CAMK2D: variants seen among roughly 807,000 people sequenced by gnomAD.
The protein encoded by CAMK2D is calcium/calmodulin-dependent protein kinase type II subunit delta.
CAMK2D carries 37 observed loss-of-function variants against 84.0 expected under a neutral mutation model. The observed-to-expected ratio is 0.44, with a 90% CI of 0.34 to 0.58. The LOEUF is 0.58. Ranked by LOEUF, CAMK2D falls within the 20% of genes least tolerant of loss-of-function variation. The probability of loss-of-function intolerance (pLI) is 0.02; values close to 1 mark genes in which losing one functional copy is unlikely to be tolerated. For synonymous variants in CAMK2D, 202 were observed against 212.5 expected, an observed-to-expected ratio of 0.95 and a Z score of 0.43; for missense variants, 448 against 652.5, an observed-to-expected ratio of 0.69 and a Z score of 3.41.
At chr4:113,673,177 TG>T (rs1303168330) in intron 2 of CAMK2D, among the ~76,000 whole-genome samples, 1 of 152,018 alleles carries the variant, frequency 6.6e-6, no homozygotes, top group Non-Finnish European at 1.5e-5. Flanking sequence ...GGTACCAAAT[TG>T]GAAGGGAATG....
At chr4:113,631,893 G>A (rs941482332) in intron 3 of CAMK2D, among the ~76,000 whole-genome samples, 1 of 152,148 alleles carries the variant, frequency 6.6e-6, no homozygotes, top group Admixed American at 6.6e-5. Flanking sequence ...TCCTTATAGA[G>A]TTTACATACA....
intron 2 of CAMK2D, among the ~76,000 whole-genome samples, chr4:113,676,163 A>T (rs372610988): frequency 4.3e-4 from 66 of 152,316 alleles, no homozygotes; most frequent in African/African-American, 1.5e-3. Context: ...CCAGTCTTCT[A>T]CTTCACTGAA....
intron 16 of CAMK2D, among the ~76,000 whole-genome samples, chr4:113,484,459 A>G (rs556025234): frequency 3.7e-4 from 57 of 152,208 alleles, no homozygotes; most frequent in African/African-American, 1.4e-3. Context: ...CATTGCAAAC[A>G]TAGTTGCAAT....
intron 2 of CAMK2D, among the ~76,000 whole-genome samples, chr4:113,698,623 A>C (rs2099409745): frequency 1.3e-5 from 2 of 152,160 alleles, no homozygotes; most frequent in Middle Eastern, 3.2e-3. Flanking sequence ...CTCAAACAGT[A>C]GAGAAAAGAA....
chr4:113,603,773 TTATA>T (rs139576985), intron 4 of CAMK2D, among the ~76,000 whole-genome samples: 14,319 of 127,818 alleles, frequency 0.11, 1,001 homozygotes, highest in South Asian at 0.16. Flanking sequence ...TCTTGCTATT[TTATA>T]TATATATATA....
At chr4:113,691,697 G>A (rs1340483740) in intron 2 of CAMK2D, among the ~76,000 whole-genome samples, 1 of 152,068 alleles carries the variant, frequency 6.6e-6, no homozygotes, top group Non-Finnish European at 1.5e-5. Context: ...AAGTTGCAGT[G>A]AGCTGAGATC....
chr4:113,720,631 T>C (rs2099527794), intron 2 of CAMK2D, among the ~76,000 whole-genome samples: 1 of 152,086 alleles, frequency 6.6e-6, no homozygotes, highest in Admixed American at 6.6e-5. Flanking sequence ...CTGACCAGAT[T>C]ATTTCAGCTG....
At chr4:113,516,209 T>C (rs1157067599) in intron 9 of CAMK2D, among the ~76,000 whole-genome samples, 1 of 152,198 alleles carries the variant, frequency 6.6e-6, no homozygotes, top group Non-Finnish European at 1.5e-5. Context: ...GACTCTAATA[T>C]CTGTAATTTT....
chr4:113,584,862 A>T (rs2098826924), intron 4 of CAMK2D, among the ~76,000 whole-genome samples: 1 of 150,798 alleles, frequency 6.6e-6, no homozygotes, highest in African/African-American at 2.5e-5. Context: ...TTATCTTAAG[A>T]AAAAAAAAGT....
Position 113,761,174 on chromosome 4 carries a change from C to T in CAMK2D, c.-106G>A. 3 of 1,588,032 alleles carry T rather than the reference C, an allele frequency of 1.9e-6. No individual in the cohort carries two copies. Among genetic ancestry groups the T allele is most frequent in the Non-Finnish European group, 2.6e-6 (3 of 1,170,964 alleles). On this transcript the variant is annotated 5_prime_UTR_variant, in exon 1 of 21. Coordinates refer to ENST00000511664, the MANE Select transcript of CAMK2D (RefSeq NM_001321571.2). The stretch of plus-strand genomic sequence containing the variant: ...CGCGGCGCTGTCACCCAGGGCCGCT[C>T]TTACTTTCCTGGTCCGAAAGTAGCT...
intron 3 of CAMK2D, among the ~76,000 whole-genome samples, chr4:113,615,632 A>G (rs73841792): frequency 0.042 from 6,369 of 152,250 alleles, 460 homozygotes; most frequent in African/African-American, 0.14. Flanking sequence ...TTTTCCCAGT[A>G]TAAAATATAT....
intron 3 of CAMK2D, among the ~76,000 whole-genome samples, chr4:113,650,107 C>T (rs556474046): frequency 9.2e-5 from 14 of 152,148 alleles, no homozygotes; most frequent in Middle Eastern, 3.4e-3. Flanking sequence ...TAGGAGACAA[C>T]TTCCAAATTA....
intron 8 of CAMK2D, among the ~76,000 whole-genome samples, chr4:113,525,265 A>T (rs747176004): frequency 6.6e-6 from 1 of 152,196 alleles, no homozygotes; most frequent in Non-Finnish European, 1.5e-5. Context: ...AAAAGTAGCA[A>T]GACAACACAT....
intron 4 of CAMK2D, among the ~76,000 whole-genome samples, chr4:113,576,919 A>G (rs925872090): frequency 6.6e-6 from 1 of 152,126 alleles, no homozygotes; most frequent in African/African-American, 2.4e-5. Flanking sequence ...AGATTTATAC[A>G]TTCACATTCT....
Position 113,557,196 on chromosome 4 carries a change from T to TTTCCTATC in CAMK2D, c.276-5108_276-5101dup, listed in dbSNP as rs568890992. ...CTGCAATAACTCCTAATGGGCCCCA[T>TTTCCTATC]TTCCTATCTTGCCCCCCAGCCCCCA... is the stretch of plus-strand genomic sequence containing the variant. On this transcript the variant is annotated intron_variant, in intron 4 of 20. Transcript: ENST00000511664. Among the ~76,000 whole-genome samples, 246 of 152,228 alleles carry TTTCCTATC rather than the reference T, an allele frequency of 1.6e-3. 4 individuals carry two copies. The highest frequency in any genetic ancestry group is 5.5e-3 in the African/African-American group (229 of 41,526).
intron 2 of CAMK2D, among the ~76,000 whole-genome samples, chr4:113,744,512 C>T (rs977478520): frequency 1.3e-5 from 2 of 152,088 alleles, no homozygotes; most frequent in African/African-American, 4.8e-5. Flanking sequence ...TTCCATTTAT[C>T]CTAAACTAGC....
At chr4:113,502,512 A>G (rs1170654247) in intron 15 of CAMK2D, among the ~76,000 whole-genome samples, 2 of 139,840 alleles carry the variant, frequency 1.4e-5, no homozygotes, top group Non-Finnish European at 3.1e-5. Context: ...ACTCAAAAGT[A>G]ACACTAAACA....
At chr4:113,494,334 C>G (rs938464339) in intron 16 of CAMK2D, among the ~76,000 whole-genome samples, 2 of 152,196 alleles carry the variant, frequency 1.3e-5, no homozygotes, top group African/African-American at 4.8e-5. Flanking sequence ...GAAGTCCTTT[C>G]TGTTTGTTAG....
intron 4 of CAMK2D, among the ~76,000 whole-genome samples, chr4:113,578,167 A>AT (rs2098792594): frequency 6.6e-6 from 1 of 152,208 alleles, no homozygotes; most frequent in Admixed American, 6.5e-5. Flanking sequence ...CAGTATCTTA[A>AT]TATTTCGGAT....
Sources: gnomAD v4.1 joint callset for allele counts (sites outside exome capture counted in the v4.1 genomes callset) on GRCh38, gnomAD v4.1.1 for gene constraint, MANE v1.5 for transcripts, NCBI Gene and HGNC (gene_info 2026-07-23, HGNC 2026-07-21) for gene names.